Variants in PWP1 observed in about 807,000 individuals in gnomAD.
PWP1 encodes periodic tryptophan protein 1 homolog.
PWP1 carries 47 observed loss-of-function variants against 69.9 expected under a neutral mutation model. The observed-to-expected ratio is 0.67, with a 90% CI of 0.53 to 0.86. The LOEUF is 0.86. Among genes scored for constraint, PWP1 ranks in the 40% least tolerant of loss-of-function variants. The pLI, the probability that PWP1 is intolerant of heterozygous loss-of-function variation, is 0.00. For synonymous variants in PWP1, 222 were observed against 208.2 expected (o/e 1.07, Z -0.57); for missense variants, 551 against 608.8 (o/e 0.91, Z 1.00).
At chr12:107,706,758 C>T (rs1171801042) in intron 11 of PWP1, among the ~76,000 whole-genome samples, 1 of 152,060 alleles carries the variant, frequency 6.6e-6, no homozygotes, top group Non-Finnish European at 1.5e-5. Context: ...TATTGGTCTA[C>T]ATCTCTGTTT....
intron 11 of PWP1, among the ~76,000 whole-genome samples, chr12:107,708,521 A>G (rs527988132): frequency 6.6e-6 from 1 of 152,256 alleles, no homozygotes; most frequent in African/African-American, 2.4e-5. Flanking sequence ...ACACTGGTCG[A>G]TTTGACTGTT....
rs370940977 is a variant in PWP1 at position 107,709,083 on chromosome 12, G to A, written c.1169-28G>A. ...ATGAAGTAAATCTGTATTTCAAAGC[G>A]AAAGTGTCTAAACTTATCTTCCTTT... On this transcript the variant is annotated intron_variant, in intron 12 of 14. Transcript: ENST00000412830. 1.3e-4 allele frequency: 211 copies of A among 1,613,636 alleles called. 1 individual carries two copies. In the Middle Eastern group the frequency reaches 2.1e-3, roughly 16 times the overall value.
chr12:107,697,529 G>C lies in PWP1; in HGVS notation c.676G>C (p.Asp226His). 6.2e-7 allele frequency: 1 copy of C among 1,609,546 alleles called. No homozygotes were observed. Among genetic ancestry groups the C allele is most frequent in the Non-Finnish European group, 8.5e-7 (1 of 1,178,310 alleles). Residue 226 changes from aspartate to histidine, a missense_variant, in exon 7 of 15, where the codon GAC becomes CAC. Physicochemically the swap from Asp to His is moderately conservative, Grantham distance 81. Coordinates refer to ENST00000412830, the MANE Select transcript of PWP1 (RefSeq NM_007062.3). Reference protein sequence around the residue: ...VIEVWDLDIVDSLEPVFTLGS... With the variant: ...VIEVWDLDIVHSLEPVFTLGS... ...TGAAGTGTGGGACCTTGATATAGTG[G>C]ACTCTTTAGAGCCAGTCTTCACACT...
intron 8 of PWP1, among the ~76,000 whole-genome samples, chr12:107,700,206 A>G (rs950579199): frequency 6.6e-6 from 1 of 152,200 alleles, no homozygotes; most frequent in African/African-American, 2.4e-5. Flanking sequence ...GCCAAATCCT[A>G]TCACCATTTT....
At chr12:107,688,365 A>G (rs1250600177) in intron 1 of PWP1, 83 bp from the exon 2 acceptor site, 1 of 1,257,852 alleles carries the variant, frequency 8.0e-7, no homozygotes, top group Non-Finnish European at 1.1e-6. Context: ...TACATTTTAC[A>G]TTTGTTTGCA....
chr12:107,708,111 ATGTTG>A (rs1355515784), intron 11 of PWP1, among the ~76,000 whole-genome samples: 1 of 152,172 alleles, frequency 6.6e-6, no homozygotes, highest in Non-Finnish European at 1.5e-5. Flanking sequence ...TTGTACTTGA[ATGTTG>A]TGTTGTACTT....
chr12:107,710,286 AT>A (rs1566083868), intron 13 of PWP1, 118 bp from the exon 14 acceptor site: 2 of 1,449,570 alleles, frequency 1.4e-6, no homozygotes, highest in African/African-American at 2.8e-5. Flanking sequence ...GAAAGTGAGA[AT>A]CATAAGTTGG....
At chr12:107,692,642 T>A (rs1889501453) in intron 3 of PWP1, 172 bp from the exon 4 acceptor site, 1 of 587,620 alleles carries the variant, frequency 1.7e-6, no homozygotes. Flanking sequence ...AATACAAAAA[T>A]GGCTTTTAAA....
Position 107,692,990 on chromosome 12 carries a change from T to G in PWP1, c.406-10T>G. 1 of 1,613,750 alleles carries G rather than the reference T, an allele frequency of 6.2e-7. No individual in the cohort carries two copies. The highest frequency in any genetic ancestry group is 8.5e-7 in the Non-Finnish European group (1 of 1,179,918). On this transcript the variant is annotated splice_polypyrimidine_tract_variant and intron_variant, in intron 4 of 14. Transcript: ENST00000412830. Reference sequence around the variant, plus strand: ...CTTCTAGTCAATGACATTTTTTTCCTCTCACTTAGGAACAATATGAACGTG... The same window carrying G: ...CTTCTAGTCAATGACATTTTTTTCCGCTCACTTAGGAACAATATGAACGTG...
Position 107,703,025 on chromosome 12 carries a change from A to C in PWP1, c.897A>C (p.Thr299=). Residue 299 remains threonine, a synonymous_variant, in exon 9 of 15, where the codon ACA becomes ACC. Coordinates refer to ENST00000412830, the MANE Select transcript of PWP1 (RefSeq NM_007062.3). ...GKPAASLAVH[T]DKVQTLQFHP... Reference sequence around the variant, plus strand: ...CAGCAGCTAGCCTCGCTGTACACACAGACAAGGTATGGTGATTTAGTTGAT... The same window carrying C: ...CAGCAGCTAGCCTCGCTGTACACACCGACAAGGTATGGTGATTTAGTTGAT... 2 of 1,594,160 alleles carry C rather than the reference A, an allele frequency of 1.3e-6. No individual in the cohort carries two copies. Among genetic ancestry groups the C allele is most frequent in the Non-Finnish European group, 1.7e-6 (2 of 1,161,902 alleles).
In PWP1 at chr12:107,699,414, T is replaced by C; in HGVS notation, c.786T>C (p.Leu262=). ...GGCATACCGATGCTGTCCTTGACCT[T>C]TCATGGAATAAGCTAATCAGGTAAA... The part of the protein sequence containing the change: ...AEGHTDAVLD[L]SWNKLIRNVL... Residue 262 remains leucine, a synonymous_variant, in exon 8 of 15, where the codon CTT becomes CTC. Transcript: ENST00000412830. The C allele has an allele frequency of 6.2e-7, 1 of 1,612,894 alleles. No homozygotes were observed. The highest frequency in any genetic ancestry group is 8.5e-7 in the Non-Finnish European group (1 of 1,178,946).
rs533021735 is a variant in PWP1 at position 107,709,781 on chromosome 12, T to C, written c.1290+549T>C. Among the ~76,000 whole-genome samples, 31 of 152,106 alleles carry C rather than the reference T, an allele frequency of 2.0e-4. No individual in the cohort carries two copies. In the South Asian group the frequency reaches 6.0e-3, roughly 29 times the overall value. ...AGTAACACTGCACAGCTGTTGAAAA[T>C]TGTGTATGAATAAATATATATAAAT... On this transcript the variant is annotated intron_variant, in intron 13 of 14. Coordinates refer to ENST00000412830, the MANE Select transcript of PWP1 (RefSeq NM_007062.3).
intron 13 of PWP1, 148 bp from the exon 14 acceptor site, chr12:107,710,257 C>G (rs1889920535): frequency 7.7e-7 from 1 of 1,295,710 alleles, no homozygotes; most frequent in South Asian, 1.6e-5. Flanking sequence ...TGACTCTGAG[C>G]TACCTTTGCA....
At chr12:107,690,588 C>T (rs966898017) in intron 3 of PWP1, among the ~76,000 whole-genome samples, 7 of 152,082 alleles carry the variant, frequency 4.6e-5, no homozygotes, top group Admixed American at 3.9e-4. Flanking sequence ...CTTAGCCTCC[C>T]GAATGCTGGG....
chr12:107,710,503 C>G lies in PWP1; in HGVS notation c.1389C>G (p.Val463=). The change falls in exon 14 of 15, where the codon GTC becomes GTG. Residue 463 remains valine (V), a synonymous_variant. Transcript: ENST00000412830. ...TTCGGGTCTGGGATATAAGCACAGT[C>G]TCTTCAGGTAAGGATTTTTAGTTCT... ...EGLRVWDIST[V]SSVNEAFGRR... The G allele has an allele frequency of 6.4e-7, 1 of 1,564,966 alleles. No homozygotes were observed. The highest frequency in any genetic ancestry group is 2.3e-5 in the East Asian group (1 of 42,600).
intron 11 of PWP1, among the ~76,000 whole-genome samples, chr12:107,705,619 G>A (rs144157331): frequency 9.8e-4 from 146 of 148,650 alleles, no homozygotes; most frequent in Non-Finnish European, 1.2e-3. Flanking sequence ...AACATGCAAC[G>A]TTTGGTTTTC....
chr12:107,694,235 G>A (rs996597577), intron 5 of PWP1, among the ~76,000 whole-genome samples: 3 of 152,066 alleles, frequency 2.0e-5, no homozygotes, highest in Non-Finnish European at 4.4e-5. Context: ...CTTCCACTGC[G>A]CTCATATCCT....
chr12:107,692,034 C>A (rs1566077278), intron 3 of PWP1, among the ~76,000 whole-genome samples: 1 of 152,150 alleles, frequency 6.6e-6, no homozygotes, highest in Non-Finnish European at 1.5e-5. Flanking sequence ...TTATGGGCTC[C>A]AACCTTGTTA....
chr12:107,712,172 T>G lies in PWP1; in HGVS notation c.1458T>G (p.Ile486Met). The G allele has an allele frequency of 6.2e-7, 1 of 1,614,092 alleles. No homozygotes were observed. The highest frequency in any genetic ancestry group is 1.1e-5 in the South Asian group (1 of 91,076). The part of the protein sequence containing the change: ...LVLGSARNSS[I>M]SGPFGSRSSD... The stretch of plus-strand genomic sequence containing the variant: ...TTGGGAGTGCAAGAAATTCATCTAT[T>G]AGTGGCCCTTTTGGCAGCAGGAGCT... The change falls in exon 15 of 15, where the codon ATT becomes ATG. Residue 486 changes from isoleucine to methionine, a missense_variant. Physicochemically the swap from Ile to Met is conservative, Grantham distance 10 (BLOSUM62 1). Transcript: ENST00000412830.
Sources: gnomAD v4.1 joint callset for allele counts (sites outside exome capture counted in the v4.1 genomes callset) on GRCh38, gnomAD v4.1.1 for gene constraint, MANE v1.5 for transcripts, NCBI Gene and HGNC (gene_info 2026-07-23, HGNC 2026-07-21) for gene names.